Variants in GRM7 observed in about 807,000 individuals in gnomAD.
GRM7 encodes metabotropic glutamate receptor 7.
GRM7 carries 35 observed loss-of-function variants against 84.5 expected under a neutral mutation model. The ratio of observed to expected loss-of-function variants is 0.41; its 90% confidence interval spans 0.32 to 0.55. The LOEUF (loss-of-function observed/expected upper bound fraction) is 0.55, where lower values mean the gene tolerates loss of function less well. Among genes scored for constraint, GRM7 ranks in the 20% least tolerant of loss-of-function variants. GRM7 has a pLI of 0.19. For missense variants in GRM7, 1,003 were observed against 1,194.6 expected, an observed-to-expected ratio of 0.84 and a Z score of 2.36; for synonymous variants, 487 against 455.1, an observed-to-expected ratio of 1.07 and a Z score of -0.89.
intron 1 of GRM7, among the ~76,000 whole-genome samples, chr3:7,082,796 A>G (rs1698315544): frequency 6.6e-6 from 1 of 152,182 alleles, no homozygotes; most frequent in South Asian, 2.1e-4. Context: ...GAGGGGTTCA[A>G]GACACCAATG....
At chr3:7,110,059 A>G in intron 1 of GRM7, among the ~76,000 whole-genome samples, 1 of 152,266 alleles carries the variant, frequency 6.6e-6, no homozygotes, top group Non-Finnish European at 1.5e-5. Flanking sequence ...AAATATACAT[A>G]ACATGAAATT....
intron 2 of GRM7, among the ~76,000 whole-genome samples, chr3:7,229,170 A>G (rs932148758): frequency 6.6e-6 from 1 of 152,188 alleles, no homozygotes; most frequent in African/African-American, 2.4e-5. Context: ...GGAGGTAGTT[A>G]TCGGAGTAAC....
At chr3:7,317,062 C>T (rs1700608605) in intron 4 of GRM7, among the ~76,000 whole-genome samples, 1 of 152,122 alleles carries the variant, frequency 6.6e-6, no homozygotes, top group South Asian at 2.1e-4. Context: ...ATTTCATCAG[C>T]TTCATCAATG....
intron 1 of GRM7, among the ~76,000 whole-genome samples, chr3:7,005,550 A>G (rs992807265): frequency 1.3e-5 from 2 of 152,214 alleles, no homozygotes; most frequent in Non-Finnish European, 2.9e-5. Context: ...TGTATTTTAA[A>G]ACATACTTCA....
intron 2 of GRM7, among the ~76,000 whole-genome samples, chr3:7,281,714 A>C (rs1699255492): frequency 6.6e-6 from 1 of 152,174 alleles, no homozygotes; most frequent in Non-Finnish European, 1.5e-5. Flanking sequence ...GCCCTGCAGC[A>C]TCAGGATCTT....
chr3:7,358,246 A>G lies in GRM7; in HGVS notation c.1033+51594A>G, dbSNP rs949086561. Among the ~76,000 whole-genome samples, 14 of 152,284 alleles carry G rather than the reference A, an allele frequency of 9.2e-5. 1 individual carries two copies. Among genetic ancestry groups the G allele is most frequent in the Admixed American group, 5.2e-4 (8 of 15,282 alleles). ...ATTTTGTAGGAAATTATGATTGTAG[A>G]GTCCAAGTTATGGTAAGGCAAGAAA... On this transcript the variant is annotated intron_variant, in intron 4 of 9. Coordinates refer to ENST00000357716, the MANE Select transcript of GRM7 (RefSeq NM_000844.4).
chr3:6,978,490 C>G (rs1401624285), intron 1 of GRM7, among the ~76,000 whole-genome samples: 1 of 152,100 alleles, frequency 6.6e-6, no homozygotes, highest in Non-Finnish European at 1.5e-5. Context: ...GTACTTCCCC[C>G]CCATTTGATC....
intron 1 of GRM7, among the ~76,000 whole-genome samples, chr3:6,867,868 CATT>C (rs1454194550): frequency 6.6e-6 from 1 of 152,024 alleles, no homozygotes; most frequent in Non-Finnish European, 1.5e-5. Context: ...ACCTTCTTCA[CATT>C]ATATTTCCAT....
chr3:7,014,363 C>T (rs1369886267), intron 1 of GRM7, among the ~76,000 whole-genome samples: 1 of 151,856 alleles, frequency 6.6e-6, no homozygotes, highest in Non-Finnish European at 1.5e-5. Flanking sequence ...TTTTTTGAGA[C>T]AGAGTTTTAC....
At chr3:7,192,652 G>A (rs1202847722) in intron 2 of GRM7, among the ~76,000 whole-genome samples, 1 of 151,924 alleles carries the variant, frequency 6.6e-6, no homozygotes, top group Non-Finnish European at 1.5e-5. Context: ...CCTCTATCTT[G>A]GCTCCTTCCA....
intron 7 of GRM7, among the ~76,000 whole-genome samples, chr3:7,464,997 G>A (rs1221061000): frequency 6.6e-6 from 1 of 152,030 alleles, no homozygotes; most frequent in Non-Finnish European, 1.5e-5. Flanking sequence ...CTCTGTCTCA[G>A]AAAAGAAAAT....
At chr3:7,652,080 A>C (rs1271737953) in intron 8 of GRM7, among the ~76,000 whole-genome samples, 1 of 152,202 alleles carries the variant, frequency 6.6e-6, no homozygotes, top group Admixed American at 6.5e-5. Flanking sequence ...ACCTGAGCAA[A>C]CCATGCTTTA....
intron 8 of GRM7, among the ~76,000 whole-genome samples, chr3:7,656,540 C>T (rs60603025): frequency 2.8e-4 from 17 of 60,620 alleles, no homozygotes; most frequent in African/African-American, 4.7e-4. Flanking sequence ...TATATATATA[C>T]GCGCGCGCAC....
At position 7,538,365 on chromosome 3, in the gene GRM7, G is replaced by A. The variant is rs1692671501; in HGVS notation, c.1516-40057G>A. 2.0e-5 allele frequency among the ~76,000 whole-genome samples: 3 copies of A among 152,142 alleles called. 1 individual carries two copies. Among genetic ancestry groups the A allele is most frequent in the South Asian group, 4.1e-4 (2 of 4,822 alleles). ...GACCTCAGGTGATCTGCACGCCTCA[G>A]CCTCCCAAAGTGCTGGGATTACGGG... On this transcript the variant is annotated intron_variant, in intron 7 of 9. Coordinates refer to ENST00000357716, the MANE Select transcript of GRM7 (RefSeq NM_000844.4).
At chr3:7,584,552 C>A (rs1341241098) in intron 8 of GRM7, among the ~76,000 whole-genome samples, 2 of 152,138 alleles carry the variant, frequency 1.3e-5, no homozygotes, top group African/African-American at 2.4e-5. Context: ...GAAGAGTCAG[C>A]AGAAGTTTCT....
intron 4 of GRM7, among the ~76,000 whole-genome samples, chr3:7,370,023 T>G (rs1244205258): frequency 6.6e-6 from 1 of 152,138 alleles, no homozygotes; most frequent in Non-Finnish European, 1.5e-5. Flanking sequence ...AAGGCAAGTG[T>G]TGATTCCAGC....
intron 7 of GRM7, among the ~76,000 whole-genome samples, chr3:7,487,246 A>G (rs1383366952): frequency 3.9e-5 from 6 of 152,172 alleles, no homozygotes; most frequent in African/African-American, 1.4e-4. Context: ...TAATTTAAAG[A>G]CAAAGTTTAT....
intron 9 of GRM7, among the ~76,000 whole-genome samples, chr3:7,687,355 A>G (rs553036259): frequency 9.8e-5 from 15 of 152,302 alleles, no homozygotes; most frequent in Non-Finnish European, 1.5e-5. Context: ...CTCTGAAAGG[A>G]TATTATCATC....
intron 1 of GRM7, among the ~76,000 whole-genome samples, chr3:6,891,645 T>C (rs1443784747): frequency 6.6e-6 from 1 of 152,196 alleles, no homozygotes; most frequent in East Asian, 1.9e-4. Flanking sequence ...ACCCGACCTT[T>C]CTCTCTGGCT....
Sources: allele counts gnomAD v4.1 joint callset (sites outside exome capture counted in the v4.1 genomes callset), GRCh38; gene constraint gnomAD v4.1.1; transcripts MANE v1.5; gene names NCBI Gene and HGNC (gene_info 2026-07-23, HGNC 2026-07-21).